Variants in VIPAS39 observed in about 807,000 individuals in gnomAD.
VIPAS39 encodes the protein VPS33B interacting protein, apical-basolateral polarity regulator, spe-39 homolog, also known as spermatogenesis-defective protein 39 homolog.
In VIPAS39, 63 loss-of-function variants were observed where a neutral mutation model predicts 84.7. That is an observed-to-expected ratio of 0.74 (90% CI 0.61 to 0.92). The LOEUF is 0.92. VIPAS39 is among the 40% of genes least tolerant of loss of function. VIPAS39 has a pLI of 0.00. For synonymous variants in VIPAS39, 192 were observed against 216.5 expected, an observed-to-expected ratio of 0.89 and a Z score of 0.99; for missense variants, 499 against 604.5, an observed-to-expected ratio of 0.83 and a Z score of 1.83.
rs774048734 is a variant in VIPAS39, at chr14:77,454,092, G to T, written c.11C>A (p.Thr4Lys). 1.9e-6 allele frequency: 3 copies of T among 1,614,108 alleles called. No individual in the cohort carries two copies. In the South Asian group the frequency reaches 3.3e-5, roughly 18 times the overall value. MNR[T>K]KGDEEEYWNS... ...CCAATACTCCTCCTCATCACCCTTT[G>T]TCCGATTCATCTACAGTGACAGGAA... The change falls in exon 2 of 20, where the codon ACA becomes AAA. Residue 4 changes from threonine (T) to lysine (K), a missense_variant. Thr to Lys is a moderately conservative substitution (Grantham distance 78). Coordinates refer to ENST00000557658, the MANE Select transcript of VIPAS39 (RefSeq NM_001193315.2).
chr14:77,449,664 C>A, intron 5 of VIPAS39, 50 bp downstream of exon 5: 2 of 1,610,222 alleles, frequency 1.2e-6, no homozygotes, highest in Non-Finnish European at 1.7e-6. Flanking sequence ...CCAGACTGTA[C>A]CAGATCAGTA....
rs778181495 is a variant in VIPAS39, at chr14:77,433,880, G to A, written c.1141C>T (p.Arg381Ter). The change falls in exon 16 of 20, where the codon CGA becomes TGA. Residue 381 changes from arginine to a stop codon, truncating the protein, a stop_gained. Coordinates refer to ENST00000557658, the MANE Select transcript of VIPAS39 (RefSeq NM_001193315.2). LOFTEE classifies it high-confidence loss of function. ...LTALAARAKL[R>*]AWNDVDALFT... ...AGGGCATCTACATCATTCCAGGCTC[G>A]AAGCTTGGCACGAGCAGCCAGGGCT... 4 of 1,613,892 alleles carry A rather than the reference G, an allele frequency of 2.5e-6. No homozygotes were observed. The highest frequency in any genetic ancestry group is 1.3e-5 in the African/African-American group (1 of 74,900).
chr14:77,440,562 A>G (rs2078685809), intron 11 of VIPAS39: 1 of 156,948 alleles, frequency 6.4e-6, no homozygotes, highest in Non-Finnish European at 1.4e-5. Flanking sequence ...ATTTTTTAAA[A>G]TTTATTCATA....
intron 1 of VIPAS39, among the ~76,000 whole-genome samples, chr14:77,456,013 T>C (rs1241239252): frequency 6.6e-6 from 1 of 152,242 alleles, no homozygotes; most frequent in Non-Finnish European, 1.5e-5. Flanking sequence ...AGTGGATAAA[T>C]GACTTTACTT....
At chr14:77,435,096 A>T in intron 14 of VIPAS39, 163 bp downstream of exon 14, 1 of 1,057,796 alleles carries the variant, frequency 9.5e-7, no homozygotes, top group Non-Finnish European at 1.4e-6. Context: ...CCTCCTGGCC[A>T]GATGAGGCCC....
At chr14:77,439,935 T>A (rs1594905240) in intron 11 of VIPAS39, among the ~76,000 whole-genome samples, 1 of 152,252 alleles carries the variant, frequency 6.6e-6, no homozygotes, top group Non-Finnish European at 1.5e-5. Flanking sequence ...GAGAAATTCT[T>A]TGAGACAAGG....
chr14:77,440,030 G>A (rs1363258369), intron 11 of VIPAS39, among the ~76,000 whole-genome samples: 1 of 151,930 alleles, frequency 6.6e-6, no homozygotes, highest in Non-Finnish European at 1.5e-5. Context: ...CTACAGGCAT[G>A]CGCCACCATG....
At chr14:77,429,296 A>G (rs1046399387) in intron 17 of VIPAS39, among the ~76,000 whole-genome samples, 1 of 152,254 alleles carries the variant, frequency 6.6e-6, no homozygotes, top group Admixed American at 6.5e-5. Context: ...AGTAAGCAGG[A>G]AAGAGCACAC....
Position 77,427,321 on chromosome 14 carries a change from G to T in VIPAS39, c.*295C>A. On this transcript the variant is annotated 3_prime_UTR_variant, in exon 20 of 20. Transcript: ENST00000557658. ...CTTTCTGGAGCAGTCACTTTTCTCA[G>T]ACCAAGTGAGATCTTACCCAGTAGG... 2.1e-6 allele frequency: 1 copy of T among 480,596 alleles called. No homozygotes were observed. The highest frequency in any genetic ancestry group is 5.7e-4 in the Middle Eastern group (1 of 1,756). The allele number at this position is 480,596 out of a possible 1,614,324, so 29.8% of individuals were successfully genotyped here. A position where few individuals can be genotyped will look rare whatever the true frequency, so the allele number is the denominator to read the frequency against.
At chr14:77,434,076 C>T (rs74063360) in intron 15 of VIPAS39, 145 bp from the exon 16 acceptor site, 2 of 1,185,734 alleles carry the variant, frequency 1.7e-6, no homozygotes, top group African/African-American at 1.5e-5. Context: ...AGTTCAAGAA[C>T]TTCTTAATTC....
chr14:77,432,962 G>A (rs1018588278), intron 16 of VIPAS39, among the ~76,000 whole-genome samples: 1 of 151,974 alleles, frequency 6.6e-6, no homozygotes, highest in Non-Finnish European at 1.5e-5. Flanking sequence ...ATTTCACTAT[G>A]TATATGTAGA....
intron 5 of VIPAS39, 92 bp from the exon 6 acceptor site, chr14:77,449,449 C>G: frequency 6.7e-7 from 1 of 1,503,432 alleles, no homozygotes; most frequent in South Asian, 1.1e-5. Flanking sequence ...ATTTTTTTGA[C>G]TTGTGGGCTC....
Position 77,435,383 on chromosome 14 carries a change from C to T in VIPAS39, c.923G>A (p.Arg308His), listed in dbSNP as rs746475339. 1.6e-5 allele frequency: 25 copies of T among 1,585,316 alleles called. No homozygotes were observed. Among genetic ancestry groups the T allele is most frequent in the South Asian group, 2.2e-5 (2 of 90,400 alleles). Reference protein sequence around the residue: ...ERQIIIEANDRHLESAGQTEI... With the variant: ...ERQIIIEANDHHLESAGQTEI... ...AGTCTGTCCTGCTGATTCTAGATGG[C>T]GATCATTTGCCTGTGGTGGAGTGAG... is the stretch of plus-strand genomic sequence containing the variant. Residue 308 changes from arginine (R) to histidine (H), a missense_variant, in exon 14 of 20, where the codon CGC becomes CAC. Arg to His is a conservative substitution (Grantham distance 29, BLOSUM62 0). Coordinates refer to ENST00000557658, the MANE Select transcript of VIPAS39 (RefSeq NM_001193315.2).
chr14:77,438,429 A>C (rs2078649966), intron 11 of VIPAS39, among the ~76,000 whole-genome samples: 1 of 152,172 alleles, frequency 6.6e-6, no homozygotes, highest in Admixed American at 6.5e-5. Flanking sequence ...GGGTTTCACT[A>C]TGATGGCCAG....
At chr14:77,435,507 A>C in intron 13 of VIPAS39, 114 bp from the exon 14 acceptor site, 1 of 1,408,308 alleles carries the variant, frequency 7.1e-7, no homozygotes, top group Non-Finnish European at 9.6e-7. Flanking sequence ...GGAGAGAAAC[A>C]AAGAACAGAA....
At chr14:77,435,124 G>A (rs931980837) in intron 14 of VIPAS39, 135 bp downstream of exon 14, 1 of 1,406,872 alleles carries the variant, frequency 7.1e-7, no homozygotes, top group East Asian at 2.3e-5. Flanking sequence ...CCTGGTGAGG[G>A]CCAGGAAAGC....
chr14:77,457,495 C>T lies in VIPAS39; in HGVS notation c.-1G>A. 1 of 1,142,840 alleles carries T rather than the reference C, an allele frequency of 8.8e-7. No individual in the cohort carries two copies. Among genetic ancestry groups the T allele is most frequent in the Non-Finnish European group, 1.2e-6 (1 of 800,370 alleles). 70.8% of individuals were successfully genotyped at this position (1,142,840 alleles called of 1,614,324 possible). Reference sequence around the variant, plus strand: ...CCCAAGGGGCTTGGGACACCCTCACCTCTTCCGCACAGAGCCCTCCCTCTC... The same window carrying T: ...CCCAAGGGGCTTGGGACACCCTCACTTCTTCCGCACAGAGCCCTCCCTCTC... On this transcript the variant is annotated splice_region_variant and 5_prime_UTR_variant, in exon 1 of 20. Coordinates refer to ENST00000557658, the MANE Select transcript of VIPAS39 (RefSeq NM_001193315.2).
intron 6 of VIPAS39, 28 bp from the exon 7 acceptor site, chr14:77,448,578 A>C: frequency 6.2e-7 from 1 of 1,612,482 alleles, no homozygotes; most frequent in East Asian, 2.2e-5. Context: ...CGTGAATCCC[A>C]GGAAGTTAAG....
rs372813446 is a variant in VIPAS39 at position 77,444,319 on chromosome 14, C to T, written c.527G>A (p.Arg176His). 1.5e-5 allele frequency: 24 copies of T among 1,613,454 alleles called. No homozygotes were observed. In the South Asian group the frequency reaches 1.9e-4, roughly 13 times the overall value. The change falls in exon 8 of 20, where the codon CGC becomes CAC. Residue 176 changes from arginine to histidine, a missense_variant. Arg to His is a conservative substitution (Grantham distance 29, BLOSUM62 0). Coordinates refer to ENST00000557658, the MANE Select transcript of VIPAS39 (RefSeq NM_001193315.2). ...GAGTTGTAGTTTGTCCTGTAAGGAG[C>T]GGAATCTCTCTAGTGAGCAAACCTG... ...KGKVCSLERF[R>H]SLQDKLQLLE... is the part of the protein sequence containing the mutation.
Sources: allele counts gnomAD v4.1 joint callset (sites outside exome capture counted in the v4.1 genomes callset), GRCh38; gene constraint gnomAD v4.1.1; transcripts MANE v1.5; gene names NCBI Gene and HGNC (gene_info 2026-07-23, HGNC 2026-07-21).